SPSB1: variants seen among roughly 807,000 people sequenced by gnomAD.
SPSB1 encodes the protein splA/ryanodine receptor domain and SOCS box containing 1.
Under a neutral mutation model 21.2 loss-of-function variants are expected in SPSB1, and 8 were observed. That is an observed-to-expected ratio of 0.38 (90% CI 0.22 to 0.68). SPSB1 has a LOEUF of 0.68. Ranked by LOEUF, SPSB1 falls within the 30% of genes least tolerant of loss-of-function variation. SPSB1 has a pLI of 0.53. For missense variants in SPSB1, 242 were observed against 377.8 expected (o/e 0.64, Z 2.98); for synonymous variants, 169 against 161.7 (o/e 1.05, Z -0.34).
intron 1 of SPSB1, among the ~76,000 whole-genome samples, chr1:9,295,217 AGTGT>A (rs5772365): frequency 0.38 from 55,925 of 148,522 alleles, 10,797 homozygotes; most frequent in East Asian, 0.58. Flanking sequence ...TGAGAGTGTG[AGTGT>A]GTGTGTGTGT....
At chr1:9,316,506 G>C (rs1011194065) in intron 1 of SPSB1, among the ~76,000 whole-genome samples, 2 of 152,248 alleles carry the variant, frequency 1.3e-5, no homozygotes, top group African/African-American at 4.8e-5. Context: ...AGGGTCCTAG[G>C]GGGCTGCTGC....
At chr1:9,309,154 C>T (rs1231590251) in intron 1 of SPSB1, among the ~76,000 whole-genome samples, 1 of 151,834 alleles carries the variant, frequency 6.6e-6, no homozygotes, top group Non-Finnish European at 1.5e-5. Context: ...CAGGGGTCGT[C>T]GGTGGGCATG....
rs566124732 is a variant in SPSB1 at position 9,307,287 on chromosome 1, A to G, written c.-150+14216A>G. Among the ~76,000 whole-genome samples the G allele has an allele frequency of 3.3e-5, 5 of 152,342 alleles. No individual in the cohort carries two copies. The South Asian group carries it at 6.2e-4, about 19-fold the overall frequency. ...TAAAATGAGCCATTTTAAAGTGAACAGATCAGTGGCATTTGGTATATTCAC... is the reference window on the plus strand; with the variant it reads ...TAAAATGAGCCATTTTAAAGTGAACGGATCAGTGGCATTTGGTATATTCAC... On this transcript the variant is annotated intron_variant, in intron 1 of 2. Transcript: ENST00000328089.
At chr1:9,314,371 C>T (rs1291685538) in intron 1 of SPSB1, among the ~76,000 whole-genome samples, 1 of 152,008 alleles carries the variant, frequency 6.6e-6, no homozygotes, top group African/African-American at 2.4e-5. Flanking sequence ...GCTCCCTGTT[C>T]TGCGAGCAGC....
intron 1 of SPSB1, among the ~76,000 whole-genome samples, chr1:9,338,746 T>G (rs1304473721): frequency 6.6e-6 from 1 of 152,160 alleles, no homozygotes; most frequent in Non-Finnish European, 1.5e-5. Flanking sequence ...CTCCCCCATA[T>G]GACTTCGTGG....
intron 1 of SPSB1, among the ~76,000 whole-genome samples, chr1:9,322,081 T>C (rs9435227): frequency 0.19 from 28,271 of 152,084 alleles, 6,975 homozygotes; most frequent in African/African-American, 0.57. Flanking sequence ...GCACCCATCC[T>C]GCAAGGGGCT....
At position 9,355,771 on chromosome 1, in the gene SPSB1, A is replaced by C; in HGVS notation, c.-121A>C. 1 of 1,486,934 alleles carries C rather than the reference A, an allele frequency of 6.7e-7. No homozygotes were observed. Among genetic ancestry groups the C allele is most frequent in the Non-Finnish European group, 8.9e-7 (1 of 1,119,762 alleles). 92.1% of individuals were successfully genotyped at this position (1,486,934 alleles called of 1,614,324 possible). ...ATACTGAACACTGCGCAGCTTGCAG[A>C]GGTCTCCTGGCAGCCCTCATTAGGA... On this transcript the variant is annotated 5_prime_UTR_variant, in exon 2 of 3. Coordinates refer to ENST00000328089, the MANE Select transcript of SPSB1 (RefSeq NM_025106.4).
At chr1:9,328,219 G>C (rs917241434) in intron 1 of SPSB1, among the ~76,000 whole-genome samples, 2 of 152,166 alleles carry the variant, frequency 1.3e-5, no homozygotes, top group Admixed American at 1.3e-4. Context: ...GCAGGGCCTG[G>C]CCCATCAATG....
intron 1 of SPSB1, among the ~76,000 whole-genome samples, chr1:9,319,435 C>T (rs1024244150): frequency 6.6e-6 from 1 of 152,158 alleles, no homozygotes; most frequent in Non-Finnish European, 1.5e-5. Flanking sequence ...CTTCCTCCTT[C>T]TCCTCCCTCT....
At chr1:9,341,683 G>C (rs922835619) in intron 1 of SPSB1, among the ~76,000 whole-genome samples, 1 of 152,130 alleles carries the variant, frequency 6.6e-6, no homozygotes, top group Non-Finnish European at 1.5e-5. Context: ...CTTCCTGAAC[G>C]GTGACCACGC....
chr1:9,357,493 G>A (rs1339625936), intron 2 of SPSB1, among the ~76,000 whole-genome samples: 5 of 152,176 alleles, frequency 3.3e-5, no homozygotes. Context: ...TGTAACCTTG[G>A]GGATACTAGG....
chr1:9,350,703 T>C (rs1430166806), intron 1 of SPSB1, among the ~76,000 whole-genome samples: 2 of 152,192 alleles, frequency 1.3e-5, no homozygotes, highest in Admixed American at 6.5e-5. Flanking sequence ...AGCCACGCCC[T>C]TTGCGTCTGC....
chr1:9,337,353 G>C (rs1199667173), intron 1 of SPSB1, among the ~76,000 whole-genome samples: 1 of 152,122 alleles, frequency 6.6e-6, no homozygotes, highest in East Asian at 1.9e-4. Context: ...AAAGAGGAGA[G>C]GGCTCCTGAC....
At chr1:9,351,982 G>A (rs757550158) in intron 1 of SPSB1, among the ~76,000 whole-genome samples, 31 of 152,258 alleles carry the variant, frequency 2.0e-4, no homozygotes, top group Admixed American at 4.6e-4. Context: ...CGGGGAAAAC[G>A]CCCCACCCTC....
At chr1:9,294,837 C>T (rs1639191239) in intron 1 of SPSB1, among the ~76,000 whole-genome samples, 1 of 152,056 alleles carries the variant, frequency 6.6e-6, no homozygotes, top group Non-Finnish European at 1.5e-5. Context: ...CCTCCTCAGA[C>T]CCCCCTCCCA....
At chr1:9,334,108 C>T (rs575735016) in intron 1 of SPSB1, among the ~76,000 whole-genome samples, 1 of 152,226 alleles carries the variant, frequency 6.6e-6, no homozygotes, top group East Asian at 1.9e-4. Context: ...TTCTTTGAGG[C>T]AGAGTCTTGC....
intron 1 of SPSB1, among the ~76,000 whole-genome samples, chr1:9,335,274 G>A (rs1359852499): frequency 1.3e-5 from 2 of 152,096 alleles, no homozygotes; most frequent in Non-Finnish European, 2.9e-5. Flanking sequence ...GGCTGAGGTG[G>A]CCAGATCACC....
At chr1:9,309,731 A>G (rs921821586) in intron 1 of SPSB1, among the ~76,000 whole-genome samples, 2 of 152,184 alleles carry the variant, frequency 1.3e-5, no homozygotes, top group Admixed American at 1.3e-4. Context: ...TAATCCCACT[A>G]CTTGGGAGGC....
chr1:9,362,630 C>T lies in SPSB1; in HGVS notation c.695-4818C>T, dbSNP rs138006573. 3.6e-3 allele frequency among the ~76,000 whole-genome samples: 549 copies of T among 152,294 alleles called. 5 individuals carry two copies. Among genetic ancestry groups the T allele is most frequent in the African/African-American group, 0.013 (524 of 41,564 alleles). On this transcript the variant is annotated intron_variant, in intron 2 of 2. Transcript: ENST00000328089. ...CGTTCTGCAGCTCGTTCACTCAGCC[C>T]GTGAACTGGGCACAGCACCACACTC... is the stretch of plus-strand genomic sequence containing the variant.
Sources: allele counts gnomAD v4.1 joint callset (sites outside exome capture counted in the v4.1 genomes callset), GRCh38; gene constraint gnomAD v4.1.1; transcripts MANE v1.5; gene names NCBI Gene and HGNC (gene_info 2026-07-23, HGNC 2026-07-21).